EYS: variants seen among roughly 807,000 people sequenced by gnomAD.
EYS encodes the protein protein eyes shut homolog.
A neutral mutation model predicts 282.1 loss-of-function variants in EYS; 250 were observed. The ratio of observed to expected loss-of-function variants is 0.89; its 90% CI spans 0.80 to 0.98. The LOEUF (loss-of-function observed/expected upper bound fraction) is 0.98. EYS is among the 50% of genes least tolerant of loss of function. The probability of loss-of-function intolerance (pLI) is 0.00; values close to 1 mark genes in which losing one functional copy is unlikely to be tolerated. For synonymous variants in EYS, 1,355 were observed against 1,282.9 expected, an observed-to-expected ratio of 1.06 and a Z score of -1.20; for missense variants, 4,016 against 3,709.0, an observed-to-expected ratio of 1.08 and a Z score of -2.15.
At chr6:64,192,061 G>T (rs1237861202) in intron 31 of EYS, among the ~76,000 whole-genome samples, 1 of 142,328 alleles carries the variant, frequency 7.0e-6, no homozygotes, top group African/African-American at 2.5e-5. Flanking sequence ...GTTTTGATTT[G>T]CATTTCTCTG....
chr6:64,221,314 TGGATTTATGCCAGTATCACA>T (rs1234370667), intron 31 of EYS, among the ~76,000 whole-genome samples: 1 of 151,944 alleles, frequency 6.6e-6, no homozygotes, highest in African/African-American at 2.4e-5. Flanking sequence ...ACAAAGTGAA[TGGATTTATGCCAGTATCACA>T]GGAGGGAATT....
At chr6:64,828,498 G>A (rs1202541735) in intron 19 of EYS, among the ~76,000 whole-genome samples, 2 of 151,922 alleles carry the variant, frequency 1.3e-5, no homozygotes, top group Admixed American at 1.3e-4. Context: ...AGATTTTATA[G>A]TAGTGCCAGA....
At chr6:64,367,530 G>A (rs1332150732) in intron 29 of EYS, among the ~76,000 whole-genome samples, 1 of 151,734 alleles carries the variant, frequency 6.6e-6, no homozygotes, top group Non-Finnish European at 1.5e-5. Context: ...ATACCAGAGA[G>A]TGTGTCTAAG....
rs558575565 is a variant in EYS at position 65,570,683 on chromosome 6, T to G, written c.-333+69095A>C. ...CAATAACTTTTAAGATAAACAGAGA[T>G]GGACTCTTTCCTACAGTGTATCTAG... On this transcript the variant is annotated intron_variant, in intron 2 of 42. Coordinates refer to ENST00000503581, the MANE Select transcript of EYS (RefSeq NM_001142800.2). Among the ~76,000 whole-genome samples, 405 of 152,286 alleles carry G rather than the reference T, an allele frequency of 2.7e-3. 1 individual carries two copies. Among genetic ancestry groups the G allele is most frequent in the Non-Finnish European group, 3.9e-3 (265 of 68,018 alleles).
chr6:64,040,863 T>G (rs146369593), intron 33 of EYS, among the ~76,000 whole-genome samples: 5 of 152,298 alleles, frequency 3.3e-5, no homozygotes, highest in Admixed American at 1.3e-4. Flanking sequence ...GCTTTACAAT[T>G]GCCTATGAAA....
At chr6:65,339,966 G>C (rs1172535208) in intron 10 of EYS, among the ~76,000 whole-genome samples, 2 of 151,082 alleles carry the variant, frequency 1.3e-5, no homozygotes, top group Admixed American at 1.3e-4. Flanking sequence ...GGGGCCTGTA[G>C]GCAATAAGAA....
chr6:63,854,814 T>C (rs1772349490), intron 36 of EYS, among the ~76,000 whole-genome samples: 1 of 152,200 alleles, frequency 6.6e-6, no homozygotes, highest in Admixed American at 6.5e-5. Context: ...CAAATTATGT[T>C]TGGAAGATAA....
chr6:64,550,982 G>T (rs1582884404), intron 26 of EYS, among the ~76,000 whole-genome samples: 2 of 152,018 alleles, frequency 1.3e-5, no homozygotes, highest in South Asian at 2.1e-4. Flanking sequence ...ACTTGAACTG[G>T]CCAGAAACAG....
chr6:65,190,928 C>A (rs919888402), intron 12 of EYS, among the ~76,000 whole-genome samples: 4 of 151,670 alleles, frequency 2.6e-5, no homozygotes, highest in African/African-American at 7.3e-5. Context: ...CTGTAGGATG[C>A]GAATGAGGGA....
chr6:64,112,791 T>G (rs142259494), intron 31 of EYS, among the ~76,000 whole-genome samples: 3,485 of 145,338 alleles, frequency 0.024, 48 homozygotes, highest in Non-Finnish European at 0.036. Context: ...TATATATCTA[T>G]AATATCTATA....
At chr6:65,175,950 A>T (rs2150230082) in intron 12 of EYS, among the ~76,000 whole-genome samples, 1 of 151,658 alleles carries the variant, frequency 6.6e-6, no homozygotes, top group Non-Finnish European at 1.5e-5. Context: ...ATTATCATTA[A>T]CAAATAAAAA....
At chr6:64,714,810 G>A (rs988690813) in intron 22 of EYS, among the ~76,000 whole-genome samples, 3 of 152,084 alleles carry the variant, frequency 2.0e-5, no homozygotes, top group Non-Finnish European at 2.9e-5. Context: ...ACAGGCGTGA[G>A]CCACCATGCC....
chr6:64,288,847 A>G (rs183849407), intron 30 of EYS, among the ~76,000 whole-genome samples: 19 of 152,208 alleles, frequency 1.2e-4, no homozygotes, highest in African/African-American at 4.6e-4. Flanking sequence ...TGCTAGAAAC[A>G]TAGTCGCTAA....
chr6:64,746,476 A>T (rs1212256735), intron 22 of EYS, among the ~76,000 whole-genome samples: 1 of 152,100 alleles, frequency 6.6e-6, no homozygotes, highest in Non-Finnish European at 1.5e-5. Context: ...AAAATAACGC[A>T]TCTGTGGTAG....
chr6:64,950,741 A>G (rs1480965385), intron 14 of EYS, among the ~76,000 whole-genome samples: 1 of 145,760 alleles, frequency 6.9e-6, no homozygotes, highest in African/African-American at 2.5e-5. Flanking sequence ...GCCAAACATC[A>G]GTTTATCAAA....
chr6:65,359,367 A>G, intron 8 of EYS, among the ~76,000 whole-genome samples: 2 of 151,984 alleles, frequency 1.3e-5, no homozygotes, highest in South Asian at 2.1e-4. Context: ...AATATATTCA[A>G]TGTTGCTTTC....
At chr6:64,490,249 G>A (rs1776698097) in intron 26 of EYS, among the ~76,000 whole-genome samples, 1 of 150,836 alleles carries the variant, frequency 6.6e-6, no homozygotes, top group Admixed American at 6.6e-5. Flanking sequence ...AAAATGAATG[G>A]TCAACAGTTA....
chr6:65,027,579 T>C (rs953934405), intron 13 of EYS, among the ~76,000 whole-genome samples: 4 of 152,214 alleles, frequency 2.6e-5, no homozygotes, highest in African/African-American at 9.6e-5. Flanking sequence ...ATCTCAACTT[T>C]CTGTCAACCA....
At chr6:65,091,272 A>T (rs990260019) in intron 12 of EYS, among the ~76,000 whole-genome samples, 18 of 58,794 alleles carry the variant, frequency 3.1e-4, no homozygotes, top group African/African-American at 4.5e-4. Flanking sequence ...CATCTCCCCT[A>T]AAAAAAAAAA....
Sources: gnomAD v4.1 joint callset for allele counts (sites outside exome capture counted in the v4.1 genomes callset) on GRCh38, gnomAD v4.1.1 for gene constraint, MANE v1.5 for transcripts, NCBI Gene and HGNC (gene_info 2026-07-23, HGNC 2026-07-21) for gene names.